The following CCSER1 variants were observed in gnomAD, a reference collection of about 807,000 sequenced individuals.
CCSER1 encodes coiled-coil serine rich protein 1.
A neutral mutation model predicts 82.0 loss-of-function variants in CCSER1; 41 were observed. The observed-to-expected ratio is 0.50, with a 90% CI of 0.39 to 0.65. CCSER1 has a LOEUF of 0.65. Among genes scored for constraint, CCSER1 ranks in the 30% least tolerant of loss-of-function variants. The pLI, the probability that CCSER1 is intolerant of heterozygous loss-of-function variation, is 0.00. For synonymous variants in CCSER1, 414 were observed against 383.9 expected (o/e 1.08, Z -0.92); for missense variants, 1,119 against 1,064.2 (o/e 1.05, Z -0.72).
At chr4:91,145,046 T>G (rs1190043969) in intron 10 of CCSER1, among the ~76,000 whole-genome samples, 5 of 152,138 alleles carry the variant, frequency 3.3e-5, no homozygotes, top group Admixed American at 3.3e-4. Context: ...TGTCTAACAC[T>G]GTTAGTGGGG....
At chr4:90,909,435 C>T (rs1255017105) in intron 8 of CCSER1, among the ~76,000 whole-genome samples, 1 of 152,070 alleles carries the variant, frequency 6.6e-6, no homozygotes, top group African/African-American at 2.4e-5. Context: ...CTCCCCTCTG[C>T]ACCCTAGGTA....
intron 10 of CCSER1, among the ~76,000 whole-genome samples, chr4:91,110,265 A>G (rs1725984583): frequency 6.7e-6 from 1 of 148,728 alleles, no homozygotes; most frequent in African/African-American, 2.5e-5. Flanking sequence ...CAAGTTGCCT[A>G]TCTTTTCATA....
At chr4:90,357,720 G>A (rs1744614393) in intron 3 of CCSER1, among the ~76,000 whole-genome samples, 1 of 152,000 alleles carries the variant, frequency 6.6e-6, no homozygotes, top group Admixed American at 6.6e-5. Context: ...ATCATGGTGT[G>A]TACCACAAAA....
At chr4:91,200,141 T>C (rs1338511475) in intron 10 of CCSER1, among the ~76,000 whole-genome samples, 1 of 151,908 alleles carries the variant, frequency 6.6e-6, no homozygotes, top group Admixed American at 6.6e-5. Context: ...TCCTTGAAGT[T>C]CTTGCTATTT....
intron 4 of CCSER1, among the ~76,000 whole-genome samples, chr4:90,405,348 A>C (rs972400353): frequency 6.6e-6 from 1 of 152,172 alleles, no homozygotes; most frequent in Non-Finnish European, 1.5e-5. Flanking sequence ...AAATCCTCCA[A>C]GAAGTTTGGC....
At chr4:90,215,510 C>T (rs1025549159) in intron 1 of CCSER1, among the ~76,000 whole-genome samples, 6 of 152,060 alleles carry the variant, frequency 3.9e-5, no homozygotes, top group Non-Finnish European at 8.8e-5. Context: ...ATTTCAACAT[C>T]ACCTGACTTT....
chr4:90,962,238 A>G (rs919272487), intron 9 of CCSER1, among the ~76,000 whole-genome samples: 4 of 152,098 alleles, frequency 2.6e-5, no homozygotes, highest in South Asian at 4.1e-4. Context: ...ATGTAAAAAA[A>G]AATCTCTTAG....
intron 1 of CCSER1, among the ~76,000 whole-genome samples, chr4:90,215,960 G>A (rs911209024): frequency 2.0e-5 from 3 of 152,152 alleles, no homozygotes; most frequent in African/African-American, 7.2e-5. Flanking sequence ...ATATGTGTGT[G>A]TGTTCTGTAT....
chr4:90,927,469 T>C (rs1303641780), intron 9 of CCSER1, among the ~76,000 whole-genome samples: 2 of 152,122 alleles, frequency 1.3e-5, no homozygotes, highest in African/African-American at 4.8e-5. Context: ...CAATTTGGCT[T>C]CTTAAAATGG....
intron 1 of CCSER1, among the ~76,000 whole-genome samples, chr4:90,159,025 G>T (rs976005702): frequency 6.6e-6 from 1 of 151,732 alleles, no homozygotes; most frequent in Non-Finnish European, 1.5e-5. Context: ...TCTTGGCTCC[G>T]ACCTCCCTGT....
intron 10 of CCSER1, among the ~76,000 whole-genome samples, chr4:91,171,798 A>T (rs72669247): frequency 5.3e-5 from 8 of 152,118 alleles, no homozygotes; most frequent in African/African-American, 1.9e-4. Flanking sequence ...ATACATAATT[A>T]TTTTGTTAAC....
chr4:90,670,029 A>G (rs1732509168), intron 6 of CCSER1, among the ~76,000 whole-genome samples: 1 of 152,092 alleles, frequency 6.6e-6, no homozygotes, highest in African/African-American at 2.4e-5. Flanking sequence ...TCATGAATGA[A>G]CCTATTCCAC....
intron 9 of CCSER1, among the ~76,000 whole-genome samples, chr4:90,999,326 G>T (rs1737788405): frequency 6.6e-6 from 1 of 152,158 alleles, no homozygotes; most frequent in Admixed American, 6.5e-5. Context: ...CAAAGTGGCT[G>T]AATTAATTTA....
Position 91,328,682 on chromosome 4 carries a change from A to G in CCSER1, c.2217+242688A>G, listed in dbSNP as rs1405078637. 2.0e-5 allele frequency among the ~76,000 whole-genome samples: 3 copies of G among 152,162 alleles called. No individual in the cohort carries two copies. The East Asian group carries it at 5.8e-4, about 29-fold the overall frequency. Reference sequence around the variant, plus strand: ...TTAAATTATGTGATAAAGGGACCCTATAAAATAAAATAAAACACTTTTGGC... The same window carrying G: ...TTAAATTATGTGATAAAGGGACCCTGTAAAATAAAATAAAACACTTTTGGC... On this transcript the variant is annotated intron_variant, in intron 10 of 10. Coordinates refer to ENST00000509176, the MANE Select transcript of CCSER1 (RefSeq NM_001145065.2).
intron 4 of CCSER1, among the ~76,000 whole-genome samples, chr4:90,420,929 C>A (rs1223859577): frequency 6.6e-6 from 1 of 152,062 alleles, no homozygotes; most frequent in Non-Finnish European, 1.5e-5. Flanking sequence ...TTCATGGCCT[C>A]TTACAATTAT....
At chr4:90,807,867 G>A (rs570577452) in intron 7 of CCSER1, among the ~76,000 whole-genome samples, 3 of 151,982 alleles carry the variant, frequency 2.0e-5, no homozygotes, top group Non-Finnish European at 2.9e-5. Context: ...ATACCCCAAC[G>A]TCATTTTTTG....
chr4:90,911,454 C>T, intron 8 of CCSER1: 1 of 350,094 alleles, frequency 2.9e-6, no homozygotes, highest in South Asian at 2.2e-5. Context: ...CTATGATTCT[C>T]TCTGTGTCTC....
At chr4:90,243,254 T>C (rs1390629008) in intron 1 of CCSER1, among the ~76,000 whole-genome samples, 1 of 151,706 alleles carries the variant, frequency 6.6e-6, no homozygotes, top group East Asian at 1.9e-4. Context: ...ATTTATTTAT[T>C]TACTATTTTT....
intron 10 of CCSER1, among the ~76,000 whole-genome samples, chr4:91,392,330 C>T (rs1751701455): frequency 6.7e-6 from 1 of 149,168 alleles, no homozygotes; most frequent in African/African-American, 2.5e-5. Context: ...TGTAGACATA[C>T]CAAAACTAGT....
Sources: gnomAD v4.1 joint callset for allele counts (sites outside exome capture counted in the v4.1 genomes callset) on GRCh38, gnomAD v4.1.1 for gene constraint, MANE v1.5 for transcripts, NCBI Gene and HGNC (gene_info 2026-07-23, HGNC 2026-07-21) for gene names.